The following ARFGAP3 variants were observed in gnomAD, a reference collection of about 807,000 sequenced individuals.
ARFGAP3 encodes the protein ADP-ribosylation factor GTPase-activating protein 3.
A neutral mutation model predicts 75.0 loss-of-function variants in ARFGAP3; 72 were observed. That is an observed-to-expected ratio of 0.96 (90% CI 0.79 to 1.17). ARFGAP3 has a LOEUF of 1.17. Ranked by LOEUF, ARFGAP3 falls within the 50% of genes most tolerant of loss-of-function variation. ARFGAP3 has a pLI of 0.00. For missense variants in ARFGAP3, 620 were observed against 626.6 expected (o/e 0.99, Z 0.11); for synonymous variants, 221 against 217.9 (o/e 1.01, Z -0.13).
chr22:42,814,316 A>T (rs560926399), intron 11 of ARFGAP3, among the ~76,000 whole-genome samples: 1 of 152,342 alleles, frequency 6.6e-6, no homozygotes, highest in African/African-American at 2.4e-5. Flanking sequence ...ATTTTACCTC[A>T]GTTGCCAAAG....
At chr22:42,815,852 C>G (rs192204217) in intron 11 of ARFGAP3, among the ~76,000 whole-genome samples, 2 of 152,326 alleles carry the variant, frequency 1.3e-5, no homozygotes, top group African/African-American at 4.8e-5. Flanking sequence ...GAGGCTCATG[C>G]CTGTAATCTC....
chr22:42,818,824 G>GTTTTTTTTTTTTTTTTTTTTTTTT (rs377718720), intron 9 of ARFGAP3, among the ~76,000 whole-genome samples: 2 of 138,444 alleles, frequency 1.4e-5, no homozygotes, highest in Admixed American at 7.6e-5. Flanking sequence ...ATTTCTTTCT[G>GTTTTTTTTTTTTTTTTTTTTTTTT]TTTTTTGAAA....
intron 14 of ARFGAP3, among the ~76,000 whole-genome samples, chr22:42,806,383 C>T (rs1354538329): frequency 6.6e-6 from 1 of 152,230 alleles, no homozygotes; most frequent in Non-Finnish European, 1.5e-5. Context: ...ACTGGGCTCA[C>T]AGGCCGCCCC....
At chr22:42,823,132 A>C (rs966248581) in intron 8 of ARFGAP3, among the ~76,000 whole-genome samples, 3 of 151,718 alleles carry the variant, frequency 2.0e-5, no homozygotes, top group African/African-American at 7.3e-5. Context: ...TTCCCCCCCA[A>C]ATAATTTTGA....
At chr22:42,818,523 T>C (rs1925677048) in intron 9 of ARFGAP3, among the ~76,000 whole-genome samples, 1 of 152,166 alleles carries the variant, frequency 6.6e-6, no homozygotes, top group Non-Finnish European at 1.5e-5. Context: ...TAAAAAGGTG[T>C]ACAAAACATT....
rs148526966 is a variant in ARFGAP3, at chr22:42,842,254, C to G, written c.189-1238G>C. On this transcript the variant is annotated intron_variant, in intron 2 of 15. Transcript: ENST00000263245. Reference sequence around the variant, plus strand: ...TCCCGACCTTAGGTGATCCACCCACCTTGGCCTCCCAAAGTACTGTGATTA... The same window carrying G: ...TCCCGACCTTAGGTGATCCACCCACGTTGGCCTCCCAAAGTACTGTGATTA... 2.6e-5 allele frequency among the ~76,000 whole-genome samples: 4 copies of G among 151,464 alleles called. No individual in the cohort carries two copies. The East Asian group carries it at 7.8e-4, about 29-fold the overall frequency.
chr22:42,805,788 G>A (rs984787274), intron 14 of ARFGAP3, among the ~76,000 whole-genome samples: 2 of 152,210 alleles, frequency 1.3e-5, no homozygotes, highest in African/African-American at 2.4e-5. Flanking sequence ...CACTGGCAGC[G>A]GATGTGCCGG....
intron 7 of ARFGAP3, among the ~76,000 whole-genome samples, chr22:42,825,136 C>T (rs757371999): frequency 6.6e-6 from 1 of 152,140 alleles, no homozygotes; most frequent in East Asian, 1.9e-4. Flanking sequence ...TGATGGCGTG[C>T]GCCTGTGGTC....
intron 11 of ARFGAP3, 43 bp downstream of exon 11, chr22:42,817,099 G>C: frequency 7.3e-7 from 1 of 1,362,556 alleles, no homozygotes; most frequent in Non-Finnish European, 1.0e-6. Flanking sequence ...ACTAGTCACT[G>C]CTTTTCAAAA....
chr22:42,831,823 C>T, intron 5 of ARFGAP3, 187 bp from the exon 6 acceptor site: 3 of 864,678 alleles, frequency 3.5e-6, no homozygotes, highest in Non-Finnish European at 4.2e-6. Context: ...TGCTCTGTTG[C>T]CCAGGCTAGA....
chr22:42,850,698 T>C (rs1228318193), intron 1 of ARFGAP3, among the ~76,000 whole-genome samples: 1 of 147,342 alleles, frequency 6.8e-6, no homozygotes, highest in Non-Finnish European at 1.5e-5. Flanking sequence ...ACAAGGGCAA[T>C]ACAAGAGAGG....
At chr22:42,853,209 T>C (rs1461923052) in intron 1 of ARFGAP3, among the ~76,000 whole-genome samples, 1 of 152,274 alleles carries the variant, frequency 6.6e-6, no homozygotes, top group East Asian at 1.9e-4. Flanking sequence ...ATAGCATTCG[T>C]TGTGCCCAAG....
intron 8 of ARFGAP3, 95 bp from the exon 9 acceptor site, chr22:42,822,504 T>A: frequency 1.4e-6 from 2 of 1,441,242 alleles, no homozygotes; most frequent in Non-Finnish European, 1.9e-6. Flanking sequence ...TGCCAGGCAC[T>A]GTGACAAGCA....
At position 42,823,761 on chromosome 22, in the gene ARFGAP3, G is replaced by A. The variant is rs558234035; in HGVS notation, c.626-59C>T. 366 of 1,404,976 alleles carry A rather than the reference G, an allele frequency of 2.6e-4. 2 individuals are homozygous for A. In the East Asian group the frequency reaches 8.7e-3, roughly 34 times the overall value. 87.0% of individuals were successfully genotyped at this position (1,404,976 alleles called of 1,614,324 possible). On this transcript the variant is annotated intron_variant, in intron 7 of 15. Coordinates refer to ENST00000263245, the MANE Select transcript of ARFGAP3 (RefSeq NM_014570.5). ...ATAGAAATAATTTTTCTTTTTTAGT[G>A]TGTCTTTTAAAATTCTAAGATACTG...
At position 42,844,640 on chromosome 22, in the gene ARFGAP3, A is replaced by G. The variant is rs145864303; in HGVS notation, c.188+2874T>C. Among the ~76,000 whole-genome samples the G allele has an allele frequency of 4.6e-3, 697 of 151,822 alleles. 4 individuals are homozygous for G. Among genetic ancestry groups the G allele is most frequent in the Non-Finnish European group, 5.0e-3 (337 of 67,956 alleles). ...CCCAAAAAACTCCCAAGCTCAAGTG[A>G]TGTTTCCACCTTGGCCTCCCAAAGT... On this transcript the variant is annotated intron_variant, in intron 2 of 15. Coordinates refer to ENST00000263245, the MANE Select transcript of ARFGAP3 (RefSeq NM_014570.5).
intron 1 of ARFGAP3, chr22:42,853,658 A>G: frequency 5.6e-6 from 1 of 177,502 alleles, no homozygotes; most frequent in Non-Finnish European, 1.2e-5. Context: ...GTGCCTTGGG[A>G]TGGCTATGCA....
intron 1 of ARFGAP3, chr22:42,853,637 C>G (rs1403083685): frequency 2.3e-5 from 4 of 176,594 alleles, no homozygotes; most frequent in African/African-American, 9.6e-5. Context: ...GAAGAGGGCC[C>G]AGAGCTCCCT....
intron 15 of ARFGAP3, 99 bp downstream of exon 15, chr22:42,798,939 TA>T: frequency 1.0e-6 from 1 of 963,898 alleles, no homozygotes; most frequent in Non-Finnish European, 1.7e-6. Context: ...TCCAATAATA[TA>T]TAATTGAATT....
intron 5 of ARFGAP3, among the ~76,000 whole-genome samples, chr22:42,832,987 TAA>T (rs1555898580): frequency 3.1e-4 from 42 of 135,940 alleles, no homozygotes; most frequent in Non-Finnish European, 3.0e-4. Context: ...ACTCCGTCTT[TAA>T]AAAAAAAAAA....
Sources: allele counts gnomAD v4.1 joint callset (sites outside exome capture counted in the v4.1 genomes callset), GRCh38; gene constraint gnomAD v4.1.1; transcripts MANE v1.5; gene names NCBI Gene and HGNC (gene_info 2026-07-23, HGNC 2026-07-21).